DNAH3: variants seen among roughly 807,000 people sequenced by gnomAD.
DNAH3 encodes axonemal beta dynein heavy chain 3.
A neutral mutation model predicts 432.5 loss-of-function variants in DNAH3; 332 were observed. That is an observed-to-expected ratio of 0.77 (90% CI 0.70 to 0.84). The LOEUF (loss-of-function observed/expected upper bound fraction) is 0.84, where lower values mean the gene tolerates loss of function less well. DNAH3 is among the 40% of genes least tolerant of loss of function. The pLI, the probability that DNAH3 is intolerant of heterozygous loss-of-function variation, is 0.00. For synonymous variants in DNAH3, 1,956 were observed against 1,900.2 expected (o/e 1.03, Z -0.76); for missense variants, 4,861 against 5,114.0 (o/e 0.95, Z 1.51).
At chr16:21,028,838 G>A (rs2088716783) in intron 37 of DNAH3, among the ~76,000 whole-genome samples, 1 of 152,166 alleles carries the variant, frequency 6.6e-6, no homozygotes, top group African/African-American at 2.4e-5. Context: ...TGAGGCCCTT[G>A]TCTCCCAGGG....
Position 21,054,482 on chromosome 16 carries a change from C to T in DNAH3, c.3977G>A (p.Arg1326Gln), listed in dbSNP as rs569588749. 1.6e-5 allele frequency: 26 copies of T among 1,614,204 alleles called. 1 individual carries two copies. Among genetic ancestry groups the T allele is most frequent in the South Asian group, 1.4e-4 (13 of 91,078 alleles). ...TCGAGCTCCACTGCTCAGCTTCCCT[C>T]GCACCAGCTGGACAATCTGCGCAAT... Residue 1326 changes from arginine (R) to glutamine (Q), a missense_variant, in exon 28 of 62, where the codon CGA becomes CAA. Physicochemically the swap from Arg to Gln is conservative, Grantham distance 43. Coordinates refer to ENST00000261383, the Ensembl canonical transcript of DNAH3.
chr16:20,944,441 G>A, intron 58 of DNAH3, 55 bp downstream of exon 58: 1 of 1,598,862 alleles, frequency 6.3e-7, no homozygotes, highest in Non-Finnish European at 8.6e-7. Flanking sequence ...TGTGCCCACT[G>A]GATGAAGAAC....
At chr16:20,954,987 T>C (rs1467541495) in exon 55 of DNAH3, 1 of 1,614,062 alleles carries the variant, frequency 6.2e-7, no homozygotes, top group African/African-American at 1.3e-5. Flanking sequence ...GGGGGCTCAT[T>C]GGTCATTTTG....
intron 35 of DNAH3, among the ~76,000 whole-genome samples, chr16:21,035,882 T>C (rs868208306): frequency 5.9e-5 from 9 of 152,142 alleles, no homozygotes; most frequent in African/African-American, 2.2e-4. Flanking sequence ...GTAACTCACA[T>C]TGTGACTTTG....
At chr16:20,988,099 G>A in intron 44 of DNAH3, 34 bp from the exon 45 acceptor site, 1 of 1,611,748 alleles carries the variant, frequency 6.2e-7, no homozygotes, top group Non-Finnish European at 8.5e-7. Context: ...AATCATCCTG[G>A]AAAACACATA....
At chr16:21,067,759 G>GC (rs973916162) in intron 23 of DNAH3, among the ~76,000 whole-genome samples, 2 of 47,202 alleles carry the variant, frequency 4.2e-5, no homozygotes, top group Admixed American at 2.6e-4. Flanking sequence ...GCCAGTCTTG[G>GC]GGGGGGGGGT....
chr16:21,003,264 A>C, intron 41 of DNAH3, 57 bp from the exon 42 acceptor site: 1 of 1,180,408 alleles, frequency 8.5e-7, no homozygotes. Context: ...CTTGCCTCCC[A>C]TATTTGAGGA....
chr16:21,020,368 A>ATATATATATATATATATATATATATAT (rs1491504331), intron 40 of DNAH3, among the ~76,000 whole-genome samples: 1 of 66,884 alleles, frequency 1.5e-5, no homozygotes, highest in Non-Finnish European at 2.8e-5. Flanking sequence ...ATATATATAT[A>ATATATATATATATATATATATATATAT]AAATCACTAT....
At chr16:21,072,609 G>T (rs2090830701) in intron 21 of DNAH3, among the ~76,000 whole-genome samples, 1 of 151,702 alleles carries the variant, frequency 6.6e-6, no homozygotes, top group Non-Finnish European at 1.5e-5. Context: ...TTACAAGCAT[G>T]ACAGGCACGA....
rs2091903948 is a variant in DNAH3 at position 21,104,462 on chromosome 16, T to C, written c.2366+9A>G. On this transcript the variant is annotated intron_variant, in intron 16 of 61. Transcript: ENST00000261383. The stretch of plus-strand genomic sequence containing the variant: ...TCATTTCCAAGACAATCCCAGACTC[T>C]CCCGGTACCTTTTAATCAGATCCAT... The C allele has an allele frequency of 1.9e-6, 3 of 1,612,902 alleles. No homozygotes were observed. The highest frequency in any genetic ancestry group is 3.3e-5 in the Admixed American group (2 of 59,980).
At chr16:20,982,373 A>T (rs1018160770) in intron 49 of DNAH3, among the ~76,000 whole-genome samples, 21 of 152,070 alleles carry the variant, frequency 1.4e-4, no homozygotes, top group African/African-American at 4.3e-4. Context: ...GGGATAGAGC[A>T]AGACTCCATC....
chr16:21,011,939 C>T (rs1368273926), intron 41 of DNAH3, among the ~76,000 whole-genome samples: 2 of 152,076 alleles, frequency 1.3e-5, no homozygotes, highest in Non-Finnish European at 2.9e-5. Context: ...TTAATCCTTA[C>T]TATTATTATT....
chr16:21,124,689 G>T (rs143437387), intron 9 of DNAH3, among the ~76,000 whole-genome samples: 1 of 149,310 alleles, frequency 6.7e-6, no homozygotes. Flanking sequence ...CACTCTTGTC[G>T]CCCAGGCTGG....
chr16:21,124,573 T>C (rs2092407772), intron 9 of DNAH3, among the ~76,000 whole-genome samples: 1 of 152,158 alleles, frequency 6.6e-6, no homozygotes, highest in Non-Finnish European at 1.5e-5. Flanking sequence ...TAATTGTACA[T>C]ATTTACAGGA....
intron 19 of DNAH3, among the ~76,000 whole-genome samples, chr16:21,086,120 G>C (rs1260536106): frequency 1.3e-5 from 2 of 152,134 alleles, no homozygotes; most frequent in African/African-American, 4.8e-5. Context: ...CCCAAAGAAA[G>C]CCATTTTCAC....
chr16:21,025,769 T>C (rs1056289302), intron 38 of DNAH3, among the ~76,000 whole-genome samples: 18 of 152,146 alleles, frequency 1.2e-4, no homozygotes, highest in African/African-American at 4.3e-4. Context: ...AGTCTTGTTC[T>C]GTCGCCCAGG....
At chr16:21,039,782 T>C in intron 33 of DNAH3, 70 bp downstream of exon 33, 1 of 1,156,414 alleles carries the variant, frequency 8.6e-7, no homozygotes, top group Non-Finnish European at 1.3e-6. Context: ...GCAAACCACC[T>C]TGAATCTGCC....
exon 13 of DNAH3, chr16:21,112,005 A>C: frequency 1.2e-6 from 2 of 1,613,496 alleles, no homozygotes; most frequent in Non-Finnish European, 1.7e-6. Context: ...TCACAAAATC[A>C]TCAATGTCAT....
At chr16:20,966,672 T>C (rs538639556) in intron 52 of DNAH3, among the ~76,000 whole-genome samples, 1 of 152,322 alleles carries the variant, frequency 6.6e-6, no homozygotes, top group Admixed American at 6.5e-5. Context: ...TAGTACCCCA[T>C]TATCTTATTC....
Sources: gnomAD v4.1 joint callset for allele counts (sites outside exome capture counted in the v4.1 genomes callset) on GRCh38, gnomAD v4.1.1 for gene constraint, MANE v1.5 for transcripts, NCBI Gene and HGNC (gene_info 2026-07-23, HGNC 2026-07-21) for gene names.